Variants in MOK observed in about 807,000 individuals in gnomAD.
MOK encodes the protein MAPK/MAK/MRK overlapping kinase.
MOK carries 59 observed loss-of-function variants against 54.2 expected under a neutral mutation model. That is an observed-to-expected ratio of 1.09 (90% confidence interval 0.88 to 1.35). The LOEUF is 1.35. MOK is among the 40% of genes most tolerant of loss of function. The pLI is 0.00. For missense variants in MOK, 517 were observed against 526.2 expected, an observed-to-expected ratio of 0.98 and a Z score of 0.17; for synonymous variants, 210 against 202.7, an observed-to-expected ratio of 1.04 and a Z score of -0.31.
downstream of MOK, chr14:102,225,936 T>G: frequency 4.2e-6 from 1 of 240,628 alleles, no homozygotes; most frequent in Non-Finnish European, 8.1e-6. Context: ...TTTCTTACAC[T>G]TCTGGCGTTG....
Position 102,231,850 on chromosome 14 carries a change from G to C in MOK, c.867-29C>G, listed in dbSNP as rs762392622. 2 of 1,585,438 alleles carry C rather than the reference G, an allele frequency of 1.3e-6. No homozygotes were observed. Among genetic ancestry groups the C allele is most frequent in the Admixed American group, 1.7e-5 (1 of 59,558 alleles). On this transcript the variant is annotated intron_variant, in intron 9 of 11. Coordinates refer to ENST00000361847, the MANE Select transcript of MOK (RefSeq NM_014226.3). This position sits in a 1 kb window ranked among gnomAD's most constrained non-coding sequence, Gnocchi z 4.4. ...CGGGGAAGGAGAAGAGAATGGAGCA[G>C]CTCCACTGAGAGCCCGCAGAGCACA... is the stretch of plus-strand genomic sequence containing the variant.
At chr14:102,217,568 C>T in the MOK span, among the ~76,000 whole-genome samples, 23 of 152,310 alleles carry the variant, frequency 1.5e-4, no homozygotes, top group Non-Finnish European at 2.8e-4. Context: ...CCAAACTGCA[C>T]GGCAAGTCTG....
At chr14:102,263,825 T>C (rs1016497508) in intron 3 of MOK, 1 of 415,912 alleles carries the variant, frequency 2.4e-6, no homozygotes, top group Non-Finnish European at 4.3e-6. Flanking sequence ...AACCCAACTT[T>C]GAACAAAATT....
At chr14:102,228,389 C>G (rs1345799729), downstream of MOK, among the ~76,000 whole-genome samples, 1 of 152,202 alleles carries the variant, frequency 6.6e-6, no homozygotes, top group Non-Finnish European at 1.5e-5. Context: ...CTGAATGGTT[C>G]TTCAAATGAA....
intron 1 of MOK, among the ~76,000 whole-genome samples, chr14:102,297,763 G>A (rs559229050): frequency 3.9e-5 from 6 of 152,304 alleles, no homozygotes; most frequent in South Asian, 2.1e-4. Context: ...TGGGCTCAGC[G>A]GGCCCCGCAC....
At chr14:102,272,599 G>A (rs956474640) in intron 2 of MOK, among the ~76,000 whole-genome samples, 1 of 152,086 alleles carries the variant, frequency 6.6e-6, no homozygotes, top group African/African-American at 2.4e-5. Context: ...CAGCTATACT[G>A]GGAATGCAAG....
At chr14:102,221,756 C>T (rs1209485634), downstream of MOK, among the ~76,000 whole-genome samples, 1 of 152,204 alleles carries the variant, frequency 6.6e-6, no homozygotes, top group Non-Finnish European at 1.5e-5. The surrounding 1 kb of genome is among the most constrained non-coding windows in gnomAD (Gnocchi z 4.8). Flanking sequence ...CCGATTGTCA[C>T]CTTCATTTGT....
chr14:102,222,787 G>A (rs759803640), downstream of MOK: 19 of 1,612,374 alleles, frequency 1.2e-5, no homozygotes, highest in South Asian at 7.7e-5. This position sits in a 1 kb window ranked among gnomAD's most constrained non-coding sequence, Gnocchi z 4.4. Context: ...GCTGTTGCCC[G>A]TCCGGTGTTT....
the MOK span, chr14:102,214,870 CTTTGT>C: frequency 3.4e-5 from 33 of 981,772 alleles, no homozygotes; most frequent in Non-Finnish European, 3.6e-5. Context: ...TGTTTCACTG[CTTTGT>C]TTTTTTTTTT....
chr14:102,232,710 T>C lies in MOK; in HGVS notation c.693-2A>G. 1 of 1,610,608 alleles carries C rather than the reference T, an allele frequency of 6.2e-7. No homozygotes were observed. Among genetic ancestry groups the C allele is most frequent in the South Asian group, 1.1e-5 (1 of 90,764 alleles). ...AAATCAAAATTCATAGCTCTCGACCTGTATTAAAAACCCAATGATAATAAA... is the reference window on the plus strand; with the variant it reads ...AAATCAAAATTCATAGCTCTCGACCCGTATTAAAAACCCAATGATAATAAA... On this transcript the variant is annotated splice_acceptor_variant, in intron 8 of 11. Coordinates refer to ENST00000361847, the MANE Select transcript of MOK (RefSeq NM_014226.3). LOFTEE classifies it high-confidence loss of function. This position sits in a 1 kb window ranked among gnomAD's most constrained non-coding sequence, Gnocchi z 5.1.
In MOK at chr14:102,238,985, A is replaced by G. The variant is rs114299487; in HGVS notation, c.591-5196T>C. On this transcript the variant is annotated intron_variant, in intron 7 of 11. Transcript: ENST00000361847. The surrounding 1 kb of genome is among the most constrained non-coding windows in gnomAD (Gnocchi z 4.8). ...AAACACAAGACTACTTCTCACTCTT[A>G]TAGACATCTTCTCTGGGTGGGTGGA... is the stretch of plus-strand genomic sequence containing the variant. 1.4e-3 allele frequency among the ~76,000 whole-genome samples: 219 copies of G among 152,304 alleles called. 1 individual carries two copies. Among genetic ancestry groups the G allele is most frequent in the African/African-American group, 5.1e-3 (214 of 41,558 alleles).
chr14:102,297,475 C>G (rs1489575906), intron 1 of MOK, among the ~76,000 whole-genome samples: 1 of 152,330 alleles, frequency 6.6e-6, no homozygotes, highest in East Asian at 1.9e-4. Flanking sequence ...CATGAAAATA[C>G]TAGTGAGAGG....
intron 2 of MOK, 121 bp from the exon 3 acceptor site, chr14:102,266,033 G>T: frequency 2.8e-6 from 2 of 704,770 alleles, no homozygotes; most frequent in Non-Finnish European, 4.7e-6. Context: ...AGTTAATCAG[G>T]TTTTATTTCT....
At chr14:102,297,106 C>T (rs1341465080) in intron 1 of MOK, among the ~76,000 whole-genome samples, 1 of 151,186 alleles carries the variant, frequency 6.6e-6, no homozygotes, top group Admixed American at 6.6e-5. Context: ...GCCTGTAATA[C>T]CAGCACTTTG....
intron 2 of MOK, among the ~76,000 whole-genome samples, chr14:102,280,976 G>C (rs1239043817): frequency 1.3e-5 from 2 of 152,108 alleles, no homozygotes; most frequent in Non-Finnish European, 2.9e-5. Context: ...GGATCGCTTT[G>C]AGCTCAGGAG....
intron 4 of MOK, among the ~76,000 whole-genome samples, chr14:102,263,164 T>A (rs977389333): frequency 6.6e-6 from 1 of 152,274 alleles, no homozygotes; most frequent in Non-Finnish European, 1.5e-5. Context: ...AGCTCTGCCT[T>A]AAGAGGCATG....
At chr14:102,257,771 G>T (rs957720449) in intron 4 of MOK, among the ~76,000 whole-genome samples, 1 of 152,160 alleles carries the variant, frequency 6.6e-6, no homozygotes, top group African/African-American at 2.4e-5. Context: ...GAGGTCAAGA[G>T]ATCGAGACCA....
chr14:102,233,834 C>A, intron 7 of MOK, 45 bp from the exon 8 acceptor site: 1 of 1,408,986 alleles, frequency 7.1e-7, no homozygotes, highest in Non-Finnish European at 1.0e-6. Context: ...AGGGCAGAGC[C>A]AACAGACCTC....
chr14:102,260,204 G>A (rs1453982102), intron 4 of MOK, among the ~76,000 whole-genome samples: 2 of 151,710 alleles, frequency 1.3e-5, no homozygotes, highest in Non-Finnish European at 2.9e-5. Flanking sequence ...AACTTAGCTG[G>A]GCATGGTGGC....
Sources: allele counts gnomAD v4.1 joint callset (sites outside exome capture counted in the v4.1 genomes callset), GRCh38; gene constraint gnomAD v4.1.1; non-coding constraint Gnocchi (gnomAD v3.1); transcripts MANE v1.5; gene names NCBI Gene and HGNC (gene_info 2026-07-23, HGNC 2026-07-21).